Variants in EFNA3 observed in about 807,000 individuals in gnomAD.
EFNA3 encodes the protein ephrin-A3.
Under a neutral mutation model 25.0 loss-of-function variants are expected in EFNA3, and 15 were observed. The ratio of observed to expected loss-of-function variants is 0.60; its 90% CI spans 0.40 to 0.92. EFNA3 has a LOEUF of 0.92. Ranked by LOEUF, EFNA3 falls within the 40% of genes least tolerant of loss-of-function variation. The pLI is 0.00. For synonymous variants in EFNA3, 153 were observed against 145.6 expected (o/e 1.05, Z -0.37); for missense variants, 298 against 323.8 (o/e 0.92, Z 0.61).
rs1386861839 is a variant in EFNA3 at position 155,080,276 on chromosome 1, CGGA to C, written c.128+1213_128+1215del. On this transcript the variant is annotated intron_variant, in intron 1 of 4. Transcript: ENST00000368408. This position sits in a 1 kb window ranked among gnomAD's most constrained non-coding sequence, Gnocchi z 7.0. ...CGGGCGGCCGCGACCCCCAACCTCT[CGGA>C]GGAGGGGCTGCCGCTCGCCGCTCCG... 2.6e-5 allele frequency among the ~76,000 whole-genome samples: 4 copies of C among 152,148 alleles called. No homozygotes were observed. Among genetic ancestry groups the C allele is most frequent in the Non-Finnish European group, 5.9e-5 (4 of 68,010 alleles).
At position 155,086,225 on chromosome 1, in the gene EFNA3, T is replaced by A. The variant is rs1663457140; in HGVS notation, c.586+20T>A. On this transcript the variant is annotated intron_variant, in intron 4 of 4. Transcript: ENST00000368408. Reference sequence around the variant, plus strand: ...TGCTGGGTGAGTCTGCGCAGCGCCCTCTGGTGGCCACTGCTGGAACCGCAG... The same window carrying A: ...TGCTGGGTGAGTCTGCGCAGCGCCCACTGGTGGCCACTGCTGGAACCGCAG... 1 of 1,612,386 alleles carries A rather than the reference T, an allele frequency of 6.2e-7. No homozygotes were observed. Among genetic ancestry groups the A allele is most frequent in the East Asian group, 2.2e-5 (1 of 44,814 alleles).
In EFNA3 at chr1:155,086,420, T is replaced by C. The variant is rs771360249; in HGVS notation, c.594T>C (p.Phe198=). Residue 198 remains phenylalanine (F), a synonymous_variant, in exon 5 of 5, where the codon TTT becomes TTC. Coordinates refer to ENST00000368408, the MANE Select transcript of EFNA3 (RefSeq NM_004952.5). ...PNVKINVLED[F]EGENPQVPKL... is the part of the protein sequence containing the mutation. ...CTGTTCCTCTGTCCACAGAAGACTT[T>C]GAGGGAGAGAACCCTCAGGTGCCCA... 6.2e-7 allele frequency: 1 copy of C among 1,614,058 alleles called. No individual in the cohort carries two copies. Among genetic ancestry groups the C allele is most frequent in the South Asian group, 1.1e-5 (1 of 91,078 alleles).
chr1:155,085,500 G>A lies in EFNA3; in HGVS notation c.442+96G>A. ...TAGGCTCCGGGGCGGGGCCGGCGCG[G>A]CGGGCGCCAGGTCTCGCGGCTGAGA... is the stretch of plus-strand genomic sequence containing the variant. On this transcript the variant is annotated intron_variant, in intron 2 of 4. Coordinates refer to ENST00000368408, the MANE Select transcript of EFNA3 (RefSeq NM_004952.5). The surrounding 1 kb of genome is among the most constrained non-coding windows in gnomAD (Gnocchi z 4.4). 1.4e-6 allele frequency: 2 copies of A among 1,406,092 alleles called. No individual in the cohort carries two copies. Among genetic ancestry groups the A allele is most frequent in the African/African-American group, 1.5e-5 (1 of 68,806 alleles). 87.1% of individuals were successfully genotyped at this position (1,406,092 alleles called of 1,614,324 possible). A position where few individuals can be genotyped will look rare whatever the true frequency, so the allele number is the denominator to read the frequency against.
rs906636603 is a variant in EFNA3 at position 155,080,947 on chromosome 1, C to T, written c.128+1878C>T. On this transcript the variant is annotated intron_variant, in intron 1 of 4. Coordinates refer to ENST00000368408, the MANE Select transcript of EFNA3 (RefSeq NM_004952.5). This position sits in a 1 kb window ranked among gnomAD's most constrained non-coding sequence, Gnocchi z 7.0. ...GCGGCCCCATAAATCGTGAGAGCGA[C>T]GTGCTCCGGAGCCGAGAATGGAGAG... Among the ~76,000 whole-genome samples the T allele has an allele frequency of 5.9e-5, 9 of 152,112 alleles. No individual in the cohort carries two copies. The highest frequency in any genetic ancestry group is 1.9e-4 in the African/African-American group (8 of 41,432).
chr1:155,079,917 G>A lies in EFNA3; in HGVS notation c.128+848G>A, dbSNP rs1041633265. ...CAGCTGCGTCTGGGCTGGGGTGGCT[G>A]TTGGCGCCGCCGCGGTCTGGGCGGG... On this transcript the variant is annotated intron_variant, in intron 1 of 4. Coordinates refer to ENST00000368408, the MANE Select transcript of EFNA3 (RefSeq NM_004952.5). The surrounding 1 kb of genome is among the most constrained non-coding windows in gnomAD (Gnocchi z 7.7). Among the ~76,000 whole-genome samples, 2 of 152,064 alleles carry A rather than the reference G, an allele frequency of 1.3e-5. No individual in the cohort carries two copies. Among genetic ancestry groups the A allele is most frequent in the African/African-American group, 4.8e-5 (2 of 41,404 alleles).
At position 155,084,782 on chromosome 1, in the gene EFNA3, G is replaced by A. The variant is rs3766917; in HGVS notation, c.129-309G>A. On this transcript the variant is annotated intron_variant, in intron 1 of 4. Transcript: ENST00000368408. Reference sequence around the variant, plus strand: ...CGTTTCTGTGGCAACCAAAGCGTACGTTCCCTTCTTCCCTCCGCCCCTCTC... The same window carrying A: ...CGTTTCTGTGGCAACCAAAGCGTACATTCCCTTCTTCCCTCCGCCCCTCTC... Among the ~76,000 whole-genome samples the A allele has an allele frequency of 4.1e-3, 631 of 152,338 alleles. 12 individuals carry two copies. The highest frequency in any genetic ancestry group is 0.037 in the East Asian group (191 of 5,184).
rs1663283483 is a variant in EFNA3 at position 155,078,913 on chromosome 1, G to C, written c.-29G>C. On this transcript the variant is annotated 5_prime_UTR_variant, in exon 1 of 5. Coordinates refer to ENST00000368408, the MANE Select transcript of EFNA3 (RefSeq NM_004952.5). ...GAAGCCGGGAGCGCGGGGCTCAGTC[G>C]GGGGGCGGCGGCGGCGGCGGCTCCG... 8 of 1,372,532 alleles carry C rather than the reference G, an allele frequency of 5.8e-6. No homozygotes were observed. Among genetic ancestry groups the C allele is most frequent in the Non-Finnish European group, 7.5e-6 (8 of 1,064,148 alleles). 85.0% of individuals were successfully genotyped at this position (1,372,532 alleles called of 1,614,324 possible).
At position 155,085,028 on chromosome 1, in the gene EFNA3, T is replaced by G; in HGVS notation, c.129-63T>G. ...ACCCTGGGGAGGGGCTGCGGAGCGG[T>G]CAGATGGAAAGCGGCTTTGCTCTGG... On this transcript the variant is annotated intron_variant, in intron 1 of 4. Coordinates refer to ENST00000368408, the MANE Select transcript of EFNA3 (RefSeq NM_004952.5). This position sits in a 1 kb window ranked among gnomAD's most constrained non-coding sequence, Gnocchi z 4.4. The G allele has an allele frequency of 6.4e-7, 1 of 1,564,870 alleles. No homozygotes were observed. Among genetic ancestry groups the G allele is most frequent in the Non-Finnish European group, 8.7e-7 (1 of 1,149,050 alleles).
Position 155,085,697 on chromosome 1 carries a change from G to A in EFNA3, c.443-180G>A. 1.4e-6 allele frequency: 1 copy of A among 734,572 alleles called. No homozygotes were observed. Among genetic ancestry groups the A allele is most frequent in the Non-Finnish European group, 2.2e-6 (1 of 452,590 alleles). 45.5% of individuals were successfully genotyped at this position (734,572 alleles called of 1,614,324 possible). ...GGGATCCCAGTTTCTTGAGGGGTGGGACCAAAGGGGCGTCTAGGGCCGACG... is the reference window on the plus strand; with the variant it reads ...GGGATCCCAGTTTCTTGAGGGGTGGAACCAAAGGGGCGTCTAGGGCCGACG... On this transcript the variant is annotated intron_variant, in intron 2 of 4. Coordinates refer to ENST00000368408, the MANE Select transcript of EFNA3 (RefSeq NM_004952.5). The surrounding 1 kb of genome is among the most constrained non-coding windows in gnomAD (Gnocchi z 4.4).
At chr1:155,086,228 G>A (rs373584481) in intron 4 of EFNA3, 23 bp downstream of exon 4, 9 of 1,612,966 alleles carry the variant, frequency 5.6e-6, no homozygotes, top group Non-Finnish European at 7.6e-6. Context: ...AGCGCCCTCT[G>A]GTGGCCACTG....
Position 155,079,788 on chromosome 1 carries a change from CGT to C in EFNA3, c.128+726_128+727del, listed in dbSNP as rs916728674. 1.3e-5 allele frequency among the ~76,000 whole-genome samples: 2 copies of C among 151,748 alleles called. No homozygotes were observed. The highest frequency in any genetic ancestry group is 4.8e-5 in the African/African-American group (2 of 41,282). Reference sequence around the variant, plus strand: ...GCGGGCGTGCGCGGCTGTCAGTGTGCGTGTGTGTCTGAGTGTGTGATTTGTGT... The same window carrying C: ...GCGGGCGTGCGCGGCTGTCAGTGTGCGTGTGTCTGAGTGTGTGATTTGTGT... On this transcript the variant is annotated intron_variant, in intron 1 of 4. Transcript: ENST00000368408. This position sits in a 1 kb window ranked among gnomAD's most constrained non-coding sequence, Gnocchi z 7.7.
rs1362389314 is a variant in EFNA3, at chr1:155,086,219, G to C, written c.586+14G>C. ...TCAACGTGCTGGGTGAGTCTGCGCA[G>C]CGCCCTCTGGTGGCCACTGCTGGAA... On this transcript the variant is annotated intron_variant, in intron 4 of 4. Transcript: ENST00000368408. 4 of 1,613,532 alleles carry C rather than the reference G, an allele frequency of 2.5e-6. No homozygotes were observed.
chr1:155,082,561 G>A (rs1663362390), intron 1 of EFNA3, among the ~76,000 whole-genome samples: 1 of 152,204 alleles, frequency 6.6e-6, no homozygotes, highest in Non-Finnish European at 1.5e-5. Flanking sequence ...GAGGCTGTGA[G>A]AGCCAGGAGA....
intron 1 of EFNA3, among the ~76,000 whole-genome samples, chr1:155,082,308 C>T (rs911177433): frequency 1.3e-5 from 2 of 152,214 alleles, no homozygotes; most frequent in South Asian, 2.1e-4. Context: ...CGTCTAAGAC[C>T]GGGGCTGGGG....
chr1:155,085,476 A>G lies in EFNA3; in HGVS notation c.442+72A>G. The G allele has an allele frequency of 6.9e-7, 1 of 1,442,862 alleles. No homozygotes were observed. Among genetic ancestry groups the G allele is most frequent in the Non-Finnish European group, 9.2e-7 (1 of 1,090,638 alleles). 89.4% of individuals were successfully genotyped at this position (1,442,862 alleles called of 1,614,324 possible). On this transcript the variant is annotated intron_variant, in intron 2 of 4. Coordinates refer to ENST00000368408, the MANE Select transcript of EFNA3 (RefSeq NM_004952.5). This position sits in a 1 kb window ranked among gnomAD's most constrained non-coding sequence, Gnocchi z 4.4. Reference sequence around the variant, plus strand: ...GTGACAGCCGGGGGGTGGAGCCCCTAGGCTCCGGGGCGGGGCCGGCGCGGC... The same window carrying G: ...GTGACAGCCGGGGGGTGGAGCCCCTGGGCTCCGGGGCGGGGCCGGCGCGGC...
At position 155,086,732 on chromosome 1, in the gene EFNA3, A is replaced by C; in HGVS notation, c.*189A>C. 1.5e-6 allele frequency: 1 copy of C among 681,098 alleles called. No homozygotes were observed. Among genetic ancestry groups the C allele is most frequent in the Non-Finnish European group, 2.4e-6 (1 of 425,294 alleles). 42.2% of individuals were successfully genotyped at this position (681,098 alleles called of 1,614,324 possible). A position where few individuals can be genotyped will look rare whatever the true frequency, so the allele number is the denominator to read the frequency against. On this transcript the variant is annotated 3_prime_UTR_variant, in exon 5 of 5. Coordinates refer to ENST00000368408, the MANE Select transcript of EFNA3 (RefSeq NM_004952.5). ...CCACGTAGGGCACTGTAGTGGACCA[A>C]GCACGGGGACAGCCATGGGTCCCGG...
chr1:155,082,516 C>T (rs1201295096), intron 1 of EFNA3, among the ~76,000 whole-genome samples: 1 of 152,122 alleles, frequency 6.6e-6, no homozygotes, highest in East Asian at 1.9e-4. Context: ...CGGCAGGGCA[C>T]TGAAAGCGAG....
At position 155,079,849 on chromosome 1, in the gene EFNA3, G is replaced by A. The variant is rs1248102748; in HGVS notation, c.128+780G>A. Reference sequence around the variant, plus strand: ...CGGCGATCGTCTGGGGGTGGGAGCGGGCTGCGGGTCGGGGAAGGGGCTGCG... The same window carrying A: ...CGGCGATCGTCTGGGGGTGGGAGCGAGCTGCGGGTCGGGGAAGGGGCTGCG... On this transcript the variant is annotated intron_variant, in intron 1 of 4. Coordinates refer to ENST00000368408, the MANE Select transcript of EFNA3 (RefSeq NM_004952.5). The surrounding 1 kb of genome is among the most constrained non-coding windows in gnomAD (Gnocchi z 7.7). 6.6e-6 allele frequency among the ~76,000 whole-genome samples: 1 copy of A among 152,012 alleles called. No homozygotes were observed. The highest frequency in any genetic ancestry group is 1.5e-5 in the Non-Finnish European group (1 of 67,990).
At position 155,085,253 on chromosome 1, in the gene EFNA3, C is replaced by T; in HGVS notation, c.291C>T (p.Arg97=). 4.3e-6 allele frequency: 7 copies of T among 1,612,810 alleles called. No individual in the cohort carries two copies. The highest frequency in any genetic ancestry group is 2.5e-6 in the Non-Finnish European group (3 of 1,179,704). Residue 97 remains arginine, a synonymous_variant, in exon 2 of 5, where the codon CGC becomes CGT. Transcript: ENST00000368408. The surrounding 1 kb of genome is among the most constrained non-coding windows in gnomAD (Gnocchi z 4.4). Reference sequence around the variant, plus strand: ...ACATGGTGAGCCGCAACGGCTACCGCACCTGCAACGCCAGCCAGGGCTTCA... The same window carrying T: ...ACATGGTGAGCCGCAACGGCTACCGTACCTGCAACGCCAGCCAGGGCTTCA... ...VLYMVSRNGY[R]TCNASQGFKR... is the part of the protein sequence containing the mutation.
Sources: allele counts gnomAD v4.1 joint callset (sites outside exome capture counted in the v4.1 genomes callset), GRCh38; gene constraint gnomAD v4.1.1; non-coding constraint Gnocchi (gnomAD v3.1); transcripts MANE v1.5; gene names NCBI Gene and HGNC (gene_info 2026-07-23, HGNC 2026-07-21).